Variants in THSD7B observed in about 807,000 individuals in gnomAD.
The protein encoded by THSD7B is thrombospondin type-1 domain-containing protein 7B.
Under a neutral mutation model 213.6 loss-of-function variants are expected in THSD7B, and 138 were observed. The ratio of observed to expected loss-of-function variants is 0.65; its 90% CI spans 0.56 to 0.74. The LOEUF (loss-of-function observed/expected upper bound fraction) is 0.74. Among genes scored for constraint, THSD7B ranks in the 30% least tolerant of loss-of-function variants. The pLI, the probability that THSD7B is intolerant of heterozygous loss-of-function variation, is 0.00. For synonymous variants in THSD7B, 742 were observed against 687.0 expected (o/e 1.08, Z -1.25); for missense variants, 1,931 against 1,991.5 (o/e 0.97, Z 0.58).
intron 16 of THSD7B, among the ~76,000 whole-genome samples, chr2:137,566,175 G>A (rs933908972): frequency 6.6e-6 from 1 of 152,092 alleles, no homozygotes; most frequent in African/African-American, 2.4e-5. Flanking sequence ...AAAAATACTT[G>A]TGAATATTTG....
intron 14 of THSD7B, among the ~76,000 whole-genome samples, chr2:137,449,899 A>G (rs1336367631): frequency 6.6e-6 from 1 of 152,084 alleles, no homozygotes; most frequent in Non-Finnish European, 1.5e-5. Context: ...TAATAATGGG[A>G]GGGACATTCT....
chr2:137,467,470 C>T (rs990378959), intron 15 of THSD7B, among the ~76,000 whole-genome samples: 1 of 152,122 alleles, frequency 6.6e-6, no homozygotes, highest in African/African-American at 2.4e-5. Flanking sequence ...GAGGGCAAAG[C>T]TGCTGGTCTG....
intron 2 of THSD7B, among the ~76,000 whole-genome samples, chr2:136,988,402 A>T (rs1349867972): frequency 6.6e-6 from 1 of 152,214 alleles, no homozygotes; most frequent in Non-Finnish European, 1.5e-5. Flanking sequence ...ACCTAATTTG[A>T]ATTTCCTTCC....
intron 2 of THSD7B, among the ~76,000 whole-genome samples, chr2:137,034,624 C>G (rs1331358033): frequency 6.6e-6 from 1 of 152,052 alleles, no homozygotes; most frequent in Non-Finnish European, 1.5e-5. Flanking sequence ...TGTGATGTTC[C>G]CCTCCTTGTG....
At chr2:136,860,486 C>G (rs990770651) in intron 1 of THSD7B, among the ~76,000 whole-genome samples, 1 of 152,166 alleles carries the variant, frequency 6.6e-6, no homozygotes, top group Non-Finnish European at 1.5e-5. Context: ...TCTTCCTATT[C>G]TAAATCTGTT....
chr2:137,273,544 C>T (rs914634326), intron 11 of THSD7B, among the ~76,000 whole-genome samples: 8 of 152,032 alleles, frequency 5.3e-5, no homozygotes, highest in African/African-American at 1.7e-4. Context: ...AAAAATGTCC[C>T]GTGTTTCTGC....
intron 9 of THSD7B, among the ~76,000 whole-genome samples, chr2:137,235,726 ATAAG>A (rs1212297748): frequency 3.3e-5 from 5 of 152,230 alleles, no homozygotes; most frequent in Admixed American, 3.3e-4. Flanking sequence ...TAAAATGTAC[ATAAG>A]TGAGACTAAA....
intron 13 of THSD7B, among the ~76,000 whole-genome samples, chr2:137,407,283 C>A (rs145782531): frequency 1.3e-5 from 2 of 152,058 alleles, no homozygotes; most frequent in East Asian, 3.9e-4. Flanking sequence ...TTTTTTTCTG[C>A]AAACTCTAAA....
intron 3 of THSD7B, among the ~76,000 whole-genome samples, chr2:137,070,330 A>G (rs1687456442): frequency 6.6e-6 from 1 of 151,770 alleles, no homozygotes; most frequent in African/African-American, 2.4e-5. Flanking sequence ...GTGTGCAGCC[A>G]TAGTTTATTT....
intron 1 of THSD7B, among the ~76,000 whole-genome samples, chr2:136,821,277 G>A (rs1422006861): frequency 6.6e-6 from 1 of 152,132 alleles, no homozygotes; most frequent in Non-Finnish European, 1.5e-5. Flanking sequence ...AGGGAAAGAA[G>A]GAAAGAAAAT....
chr2:137,167,067 C>T (rs889950945), intron 6 of THSD7B, among the ~76,000 whole-genome samples: 1 of 152,154 alleles, frequency 6.6e-6, no homozygotes, highest in African/African-American at 2.4e-5. Context: ...GATTCTTTCA[C>T]TCAGAGTTGT....
rs1190399143 is a variant in THSD7B, at chr2:137,677,347, A to C, written c.*742A>C. ...GTGGTTAAATTGGAGAATGAGGTAG[A>C]TTATTTGATTACTAAAACTGTATTT... On this transcript the variant is annotated 3_prime_UTR_variant, in exon 28 of 28. Coordinates refer to ENST00000409968, the MANE Select transcript of THSD7B (RefSeq NM_001316349.2). 6 of 152,392 alleles carry C rather than the reference A, an allele frequency of 3.9e-5. No individual in the cohort carries two copies. The highest frequency in any genetic ancestry group is 5.9e-5 in the Non-Finnish European group (4 of 68,026). The allele number at this position is 152,392 out of a possible 1,614,324, so 9.4% of individuals were successfully genotyped here. A position where few individuals can be genotyped will look rare whatever the true frequency, so the allele number is the denominator to read the frequency against.
intron 17 of THSD7B, among the ~76,000 whole-genome samples, chr2:137,613,069 T>G (rs1682317152): frequency 6.6e-6 from 1 of 152,092 alleles, no homozygotes; most frequent in African/African-American, 2.4e-5. Context: ...TCCTTACAGG[T>G]CTAAAACCAG....
intron 2 of THSD7B, among the ~76,000 whole-genome samples, chr2:136,912,410 A>AT (rs371370360): frequency 2.0e-5 from 3 of 151,812 alleles, no homozygotes; most frequent in African/African-American, 7.2e-5. Context: ...TCTCAAAAAA[A>AT]GGAGGGAGAA....
intron 14 of THSD7B, among the ~76,000 whole-genome samples, chr2:137,442,705 C>A (rs1286175376): frequency 6.6e-6 from 1 of 151,966 alleles, no homozygotes; most frequent in Admixed American, 6.6e-5. Flanking sequence ...TAAGATCACA[C>A]CAAACTTCAA....
intron 12 of THSD7B, among the ~76,000 whole-genome samples, chr2:137,400,430 G>A (rs1686326834): frequency 6.6e-6 from 1 of 152,118 alleles, no homozygotes; most frequent in South Asian, 2.1e-4. Context: ...TGATGGTTGG[G>A]TAGGGTCATT....
chr2:137,586,073 C>T (rs1057216289), intron 17 of THSD7B, among the ~76,000 whole-genome samples: 4 of 151,968 alleles, frequency 2.6e-5, no homozygotes, highest in South Asian at 2.1e-4. Context: ...TGAATTGATC[C>T]CTTTACCATT....
chr2:137,120,421 TGGAGGAAGAAAAAGAAGGGGAAGGA>T (rs1385183468), intron 5 of THSD7B, among the ~76,000 whole-genome samples: 1 of 142,998 alleles, frequency 7.0e-6, no homozygotes, highest in Non-Finnish European at 1.5e-5. Context: ...GGAACGGAAG[TGGAGGAAGAAAAAGAAGGGGAAGGA>T]GGAGGAAAGA....
At chr2:137,396,024 T>A (rs1686175256) in intron 12 of THSD7B, among the ~76,000 whole-genome samples, 1 of 152,202 alleles carries the variant, frequency 6.6e-6, no homozygotes, top group African/African-American at 2.4e-5. Flanking sequence ...CTTTATCATT[T>A]TTTATTGTGT....
Sources: gnomAD v4.1 joint callset for allele counts (sites outside exome capture counted in the v4.1 genomes callset) on GRCh38, gnomAD v4.1.1 for gene constraint, MANE v1.5 for transcripts, NCBI Gene and HGNC (gene_info 2026-07-23, HGNC 2026-07-21) for gene names.